CRHR1: variants seen among roughly 807,000 people sequenced by gnomAD.
CRHR1 encodes corticotropin-releasing hormone receptor 1.
In CRHR1, 28 loss-of-function variants were observed where a neutral mutation model predicts 56.0. That is an observed-to-expected ratio of 0.50 (90% confidence interval 0.37 to 0.69). CRHR1 has a LOEUF of 0.69. CRHR1 is among the 30% of genes least tolerant of loss of function. CRHR1 has a pLI of 0.00. For missense variants in CRHR1, 376 were observed against 548.0 expected (o/e 0.69, Z 3.13); for synonymous variants, 195 against 216.5 (o/e 0.90, Z 0.87).
chr17:45,794,930 C>T (rs1280195317), intron 1 of CRHR1, among the ~76,000 whole-genome samples: 3 of 152,244 alleles, frequency 2.0e-5, no homozygotes, highest in South Asian at 2.1e-4. Context: ...TGGGTGAGCT[C>T]AGCTCGCTGA....
intron 1 of CRHR1, among the ~76,000 whole-genome samples, chr17:45,797,530 G>A (rs1311412947): frequency 4.6e-5 from 7 of 151,822 alleles, no homozygotes; most frequent in Admixed American, 3.9e-4. Flanking sequence ...CGCCCACCTC[G>A]GCCTCCCAAA....
chr17:45,815,483 T>C (rs1399551221), intron 2 of CRHR1, among the ~76,000 whole-genome samples: 1 of 152,254 alleles, frequency 6.6e-6, no homozygotes. Context: ...ATCTTCTTTC[T>C]AGTTCAGATG....
chr17:45,795,359 G>A (rs527956037), intron 1 of CRHR1, among the ~76,000 whole-genome samples: 10 of 152,302 alleles, frequency 6.6e-5, no homozygotes, highest in African/African-American at 1.9e-4. Context: ...TGTCTTCAAA[G>A]CTGGGATGGA....
chr17:45,827,675 T>C (rs1434974765), intron 4 of CRHR1: 1 of 152,236 alleles, frequency 6.6e-6, no homozygotes, highest in Non-Finnish European at 1.5e-5. Flanking sequence ...AGAAAGCCTC[T>C]GCCTGGAAAC....
rs761352875 is a variant in CRHR1, at chr17:45,829,232, C to T, written c.345C>T (p.His115=). The T allele has an allele frequency of 1.5e-5, 25 of 1,613,886 alleles. No individual in the cohort carries two copies. The highest frequency in any genetic ancestry group is 1.9e-5 in the Non-Finnish European group (23 of 1,179,996). ...TGCTCCAGAAAAAAAGCAAGGTGCA[C>T]TACCATGTCGCAGTCATCATCAACT... ...ILNEEKKSKV[H]YHVAVIINYL... is the part of the protein sequence containing the mutation. The change falls in exon 5 of 13, where the codon CAC becomes CAT. Residue 115 remains histidine (H), a synonymous_variant. Transcript: ENST00000314537.
chr17:45,823,791 A>C (rs2062097879), intron 4 of CRHR1, among the ~76,000 whole-genome samples: 3 of 152,154 alleles, frequency 2.0e-5, no homozygotes, highest in Admixed American at 2.0e-4. Flanking sequence ...TCCTGGCCTC[A>C]AGTCACTGAG....
intron 2 of CRHR1, among the ~76,000 whole-genome samples, chr17:45,810,557 A>G (rs2061802649): frequency 6.6e-6 from 1 of 152,102 alleles, no homozygotes; most frequent in South Asian, 2.1e-4. Flanking sequence ...GGCCACTCAG[A>G]GCCAGGGTGC....
chr17:45,792,987 C>T (rs908317057), intron 1 of CRHR1, among the ~76,000 whole-genome samples: 16 of 152,244 alleles, frequency 1.1e-4, no homozygotes, highest in African/African-American at 3.9e-4. Context: ...ACTGTGCACA[C>T]AGTAGGTGCA....
intron 1 of CRHR1, among the ~76,000 whole-genome samples, chr17:45,794,902 C>A (rs1211634406): frequency 6.6e-6 from 1 of 152,252 alleles, no homozygotes; most frequent in African/African-American, 2.4e-5. Context: ...CCTGGAGAGG[C>A]TCTGGTGGAG....
rs1044453055 is a variant in CRHR1, at chr17:45,784,763, G to T, written c.33+186G>T. ...TGGAGCCAGGGTTGGGTAGGCAGGG[G>T]GAGACTCAGGTGAGAAAAGAAATCG... On this transcript the variant is annotated intron_variant, in intron 1 of 12. Transcript: ENST00000314537. The surrounding 1 kb of genome is among the most constrained non-coding windows in gnomAD (Gnocchi z 4.2). Among the ~76,000 whole-genome samples, 1 of 152,174 alleles carries T rather than the reference G, an allele frequency of 6.6e-6. No individual in the cohort carries two copies.
intron 2 of CRHR1, among the ~76,000 whole-genome samples, chr17:45,813,495 A>G (rs2061865248): frequency 6.6e-6 from 1 of 152,170 alleles, no homozygotes; most frequent in African/African-American, 2.4e-5. Context: ...CTTAATGTAA[A>G]GGTTGCCACT....
rs2062408194 is a variant in CRHR1, at chr17:45,834,993, C to T, written c.*229C>T. On this transcript the variant is annotated 3_prime_UTR_variant, in exon 13 of 13. Transcript: ENST00000314537. ...ACTGGGCCGGGCCCAGGGCCTCTGG[C>T]TTCCCTGCCCAATCCTCCCTGGAGA... The T allele has an allele frequency of 1.7e-6, 1 of 581,682 alleles. No individual in the cohort carries two copies. 36.0% of individuals were successfully genotyped at this position (581,682 alleles called of 1,614,324 possible). A position where few individuals can be genotyped will look rare whatever the true frequency, so the allele number is the denominator to read the frequency against.
intron 1 of CRHR1, among the ~76,000 whole-genome samples, chr17:45,785,261 T>C (rs1284764601): frequency 6.6e-6 from 1 of 152,192 alleles, no homozygotes; most frequent in South Asian, 2.1e-4. Flanking sequence ...CGCTGGAGTT[T>C]AGGAAAGTAG....
intron 1 of CRHR1, among the ~76,000 whole-genome samples, chr17:45,791,852 T>TCTCACACA (rs60388646): frequency 0.016 from 1,888 of 121,030 alleles, 25 homozygotes; most frequent in Middle Eastern, 0.027. Context: ...TCTCTCTCTC[T>TCTCACACA]CACACACACA....
At chr17:45,821,066 G>A (rs2062028985) in intron 3 of CRHR1, among the ~76,000 whole-genome samples, 3 of 152,266 alleles carry the variant, frequency 2.0e-5, no homozygotes, top group African/African-American at 2.4e-5. Flanking sequence ...GAACAGCCCA[G>A]GGAGCTGGTC....
intron 4 of CRHR1, among the ~76,000 whole-genome samples, chr17:45,828,559 TGTTACA>T (rs1388412286): frequency 3.3e-5 from 5 of 152,168 alleles, no homozygotes; most frequent in Non-Finnish European, 7.3e-5. Flanking sequence ...CCGGGGAATG[TGTTACA>T]GTCCTGGGAG....
chr17:45,786,313 A>G (rs988054037), intron 1 of CRHR1, among the ~76,000 whole-genome samples: 2 of 152,240 alleles, frequency 1.3e-5, no homozygotes, highest in East Asian at 1.9e-4. Flanking sequence ...CTCAGTAGGC[A>G]TTCAATAAAT....
chr17:45,809,108 G>A (rs2061771528), intron 2 of CRHR1, among the ~76,000 whole-genome samples: 1 of 152,216 alleles, frequency 6.6e-6, no homozygotes, highest in East Asian at 1.9e-4. Flanking sequence ...GTGTGAACTG[G>A]CAGAAGAGAG....
chr17:45,825,372 C>A (rs3885074), intron 4 of CRHR1: 22,209 of 154,554 alleles, frequency 0.14, 2,181 homozygotes, highest in Non-Finnish European at 0.22. Context: ...CCTCTCCTCC[C>A]CCCACCACCT....
Sources: gnomAD v4.1 joint callset for allele counts (sites outside exome capture counted in the v4.1 genomes callset) on GRCh38, gnomAD v4.1.1 for gene constraint, Gnocchi (gnomAD v3.1) non-coding constraint, MANE v1.5 for transcripts, NCBI Gene and HGNC (gene_info 2026-07-23, HGNC 2026-07-21) for gene names.